C10orf67: variants seen among roughly 807,000 people sequenced by gnomAD.
C10orf67 encodes the protein chromosome 10 open reading frame 67, also known as uncharacterized protein C10orf67, mitochondrial.
In C10orf67, 60 loss-of-function variants were observed where a neutral mutation model predicts 35.6. The ratio of observed to expected loss-of-function variants is 1.68; its 90% CI spans 1.37 to 2.09. C10orf67 has a LOEUF of 2.09. C10orf67 is among the 30% of genes most tolerant of loss of function. C10orf67 has a pLI of 0.00. For missense variants in C10orf67, 474 were observed against 330.2 expected (o/e 1.44, Z -3.38); for synonymous variants, 167 against 115.8 (o/e 1.44, Z -2.84).
chr10:23,324,419 G>A (rs541776429), intron 2 of C10orf67, among the ~76,000 whole-genome samples: 12 of 152,108 alleles, frequency 7.9e-5, no homozygotes, highest in Admixed American at 2.6e-4. Context: ...GACCCAAAAT[G>A]ACCCTACACT....
At chr10:23,204,473 C>T (rs1841105973) in intron 15 of C10orf67, among the ~76,000 whole-genome samples, 1 of 152,122 alleles carries the variant, frequency 6.6e-6, no homozygotes, top group Admixed American at 6.5e-5. Context: ...CAGCGTGTGC[C>T]AGCCAAGCTT....
chr10:23,331,887 A>G (rs554882416), intron 2 of C10orf67, among the ~76,000 whole-genome samples: 117 of 152,306 alleles, frequency 7.7e-4, no homozygotes, highest in Non-Finnish European at 1.1e-3. Context: ...TTACGAAAGA[A>G]TAAAATTATA....
chr10:23,278,901 C>T (rs1407474332), intron 8 of C10orf67, among the ~76,000 whole-genome samples: 2 of 152,158 alleles, frequency 1.3e-5, no homozygotes, highest in Non-Finnish European at 2.9e-5. Flanking sequence ...TTGAACAACA[C>T]ACCCTCAGGA....
chr10:23,205,049 C>T (rs374014961), intron 15 of C10orf67, among the ~76,000 whole-genome samples: 1 of 152,164 alleles, frequency 6.6e-6, no homozygotes, highest in Non-Finnish European at 1.5e-5. Flanking sequence ...CACAGAGGAG[C>T]CAGGCTGTCA....
chr10:23,315,924 T>C (rs1844690381), intron 4 of C10orf67, among the ~76,000 whole-genome samples: 1 of 152,028 alleles, frequency 6.6e-6, no homozygotes, highest in Admixed American at 6.6e-5. Flanking sequence ...GTTCAAGCAG[T>C]CCTCCCACCT....
At chr10:23,264,870 ATGGCAGC>A (rs1452730755) in intron 10 of C10orf67, among the ~76,000 whole-genome samples, 1 of 152,128 alleles carries the variant, frequency 6.6e-6, no homozygotes, top group East Asian at 1.9e-4. Context: ...GACTGATTTC[ATGGCAGC>A]TGACCCAGCC....
At chr10:23,265,328 G>A (rs1842859864) in intron 10 of C10orf67, among the ~76,000 whole-genome samples, 1 of 152,230 alleles carries the variant, frequency 6.6e-6, no homozygotes, top group Non-Finnish European at 1.5e-5. Flanking sequence ...CACACGGTGT[G>A]CACAATTCTG....
chr10:23,243,391 T>C (rs192420463), intron 12 of C10orf67, among the ~76,000 whole-genome samples: 51 of 152,188 alleles, frequency 3.4e-4, no homozygotes, highest in African/African-American at 1.2e-3. Flanking sequence ...GTGATAAAAT[T>C]TTTCATTCCT....
chr10:23,330,382 G>A (rs1011501143), intron 2 of C10orf67, among the ~76,000 whole-genome samples: 3 of 152,098 alleles, frequency 2.0e-5, no homozygotes, highest in Non-Finnish European at 2.9e-5. Context: ...AGGATCACTC[G>A]AGCCCAGGAA....
chr10:23,341,755 G>A (rs1845894893), intron 1 of C10orf67, among the ~76,000 whole-genome samples: 1 of 152,078 alleles, frequency 6.6e-6, no homozygotes, highest in Non-Finnish European at 1.5e-5. Flanking sequence ...TTTCTACCCA[G>A]TGTTCTCTCT....
At chr10:23,330,038 G>A (rs1845385747) in intron 2 of C10orf67, among the ~76,000 whole-genome samples, 1 of 152,100 alleles carries the variant, frequency 6.6e-6, no homozygotes, top group Non-Finnish European at 1.5e-5. Context: ...ATCTCAATAA[G>A]TCCATGAAAA....
At chr10:23,266,971 C>G (rs1485966813) in intron 9 of C10orf67, among the ~76,000 whole-genome samples, 2 of 152,240 alleles carry the variant, frequency 1.3e-5, no homozygotes, top group East Asian at 1.9e-4. Flanking sequence ...TCTTGAACTC[C>G]TGGACTCAAG....
At chr10:23,241,759 C>T (rs1188507104) in intron 12 of C10orf67, among the ~76,000 whole-genome samples, 3 of 151,556 alleles carry the variant, frequency 2.0e-5, no homozygotes, top group Non-Finnish European at 4.4e-5. Flanking sequence ...TAAGAATGTT[C>T]CAAAATTCAG....
At chr10:23,296,865 C>T (rs933796520) in intron 5 of C10orf67, among the ~76,000 whole-genome samples, 2 of 152,222 alleles carry the variant, frequency 1.3e-5, no homozygotes, top group Admixed American at 1.3e-4. Context: ...CTTTGGCACA[C>T]TTTACAGGCC....
Position 23,281,958 on chromosome 10 carries a change from GTTAAA to G in C10orf67, c.975+50_975+54del, listed in dbSNP as rs554406190. The G allele has an allele frequency of 1.6e-4, 83 of 530,754 alleles. No homozygotes were observed. In the African/African-American group the frequency reaches 1.6e-3, roughly 10 times the overall value. The allele number at this position is 530,754 out of a possible 1,614,324, so 32.9% of individuals were successfully genotyped here. ...AAATAAAGTTTATAAAACTTTCATG[GTTAAA>G]TTAAATTCCTGAATTCAAATTTGTT... On this transcript the variant is annotated intron_variant, in intron 8 of 15. Coordinates refer to ENST00000636213, the MANE Select transcript of C10orf67 (RefSeq NM_001371909.1).
chr10:23,288,096 T>C (rs1843601951), intron 7 of C10orf67, among the ~76,000 whole-genome samples: 1 of 152,244 alleles, frequency 6.6e-6, no homozygotes, highest in South Asian at 2.1e-4. Context: ...AAATACCATT[T>C]GAACCAGCAA....
chr10:23,330,098 AG>A (rs1410635587), intron 2 of C10orf67, among the ~76,000 whole-genome samples: 2 of 152,324 alleles, frequency 1.3e-5, no homozygotes, highest in East Asian at 3.9e-4. Flanking sequence ...CTTATTAATT[AG>A]AAATAGAAGA....
chr10:23,273,741 T>C (rs745538427), intron 8 of C10orf67, among the ~76,000 whole-genome samples: 10 of 152,302 alleles, frequency 6.6e-5, no homozygotes, highest in East Asian at 1.9e-4. Context: ...CACAGTAATT[T>C]TGAAATCCAA....
At chr10:23,209,948 C>T (rs7895086) in intron 15 of C10orf67, among the ~76,000 whole-genome samples, 1,492 of 142,110 alleles carry the variant, frequency 0.01, 20 homozygotes, top group African/African-American at 0.038. Flanking sequence ...TGCAGTGAGC[C>T]GAGATTGCAC....
Sources: gnomAD v4.1 joint callset for allele counts (sites outside exome capture counted in the v4.1 genomes callset) on GRCh38, gnomAD v4.1.1 for gene constraint, MANE v1.5 for transcripts, NCBI Gene and HGNC (gene_info 2026-07-23, HGNC 2026-07-21) for gene names.